The following MYH8 variants were observed in gnomAD, a reference collection of about 807,000 sequenced individuals.
The protein encoded by MYH8 is myosin heavy chain 8.
A neutral mutation model predicts 233.2 loss-of-function variants in MYH8; 168 were observed. The observed-to-expected ratio is 0.72, with a 90% CI of 0.64 to 0.82. The LOEUF (loss-of-function observed/expected upper bound fraction) is 0.82. MYH8 is among the 40% of genes least tolerant of loss of function. The probability of loss-of-function intolerance (pLI) is 0.00; values close to 1 mark genes in which losing one functional copy is unlikely to be tolerated. For missense variants in MYH8, 1,995 were observed against 2,327.8 expected (o/e 0.86, Z 2.94); for synonymous variants, 785 against 850.6 (o/e 0.92, Z 1.34).
rs769857967 is a variant in MYH8, at chr17:10,410,800, C to T, written c.1564G>A (p.Ala522Thr). 1.2e-6 allele frequency: 2 copies of T among 1,613,962 alleles called. No individual in the cohort carries two copies. Among genetic ancestry groups the T allele is most frequent in the African/African-American group, 2.7e-5 (2 of 75,028 alleles). ...TFIDFGMDLA[A>T]CIELIEKPLG... ...ACCTTCTCAATGAGCTCAATGCAGGCAGCCAGGTCCATCCCAAAGTCAATG... is the reference window on the plus strand; with the variant it reads ...ACCTTCTCAATGAGCTCAATGCAGGTAGCCAGGTCCATCCCAAAGTCAATG... The change falls in exon 15 of 40, where the codon GCC becomes ACC. Residue 522 changes from alanine (A) to threonine (T), a missense_variant. Ala to Thr is a moderately conservative substitution (Grantham distance 58). Transcript: ENST00000403437.
chr17:10,415,446 GT>G lies in MYH8; in HGVS notation c.648+25del, dbSNP rs1230853237. Reference sequence around the variant, plus strand: ...CAGATGTCTGAGAGCCTTGACAGAGGTTTTGACTCTGGCTATCAGACCTACC... The same window carrying G: ...CAGATGTCTGAGAGCCTTGACAGAGGTTTGACTCTGGCTATCAGACCTACC... On this transcript the variant is annotated intron_variant, in intron 7 of 39. Transcript: ENST00000403437. The surrounding 1 kb of genome is among the most constrained non-coding windows in gnomAD (Gnocchi z 4.1). 9.3e-6 allele frequency: 15 copies of G among 1,613,202 alleles called. No individual in the cohort carries two copies. Among genetic ancestry groups the G allele is most frequent in the Non-Finnish European group, 1.2e-5 (14 of 1,179,284 alleles).
chr17:10,392,446 A>G (rs571423688), intron 38 of MYH8, 96 bp downstream of exon 38: 2 of 1,120,460 alleles, frequency 1.8e-6, no homozygotes, highest in East Asian at 4.7e-5. Context: ...GTTAATGCGT[A>G]TTTGTTTGTG....
chr17:10,393,987 A>G (rs1436367144), intron 35 of MYH8, among the ~76,000 whole-genome samples: 1 of 134,410 alleles, frequency 7.4e-6, no homozygotes, highest in Non-Finnish European at 1.6e-5. Flanking sequence ...TAAAAAAGTA[A>G]TAGCTTTTTT....
At chr17:10,413,745 A>G (rs2072264816) in intron 12 of MYH8, among the ~76,000 whole-genome samples, 157 bp downstream of exon 12, 1 of 152,180 alleles carries the variant, frequency 6.6e-6, no homozygotes, top group Admixed American at 6.6e-5. Context: ...TGGAGATGTA[A>G]GGAAGAGAGG....
At chr17:10,405,318 T>C (rs1219986175) in intron 21 of MYH8, among the ~76,000 whole-genome samples, 1 of 152,246 alleles carries the variant, frequency 6.6e-6, no homozygotes, top group Non-Finnish European at 1.5e-5. Context: ...CTGCAAACTA[T>C]AGCCATAGAC....
Position 10,413,999 on chromosome 17 carries a change from C to T in MYH8, c.1050G>A (p.Val350=), listed in dbSNP as rs767636000. 4 of 1,614,106 alleles carry T rather than the reference C, an allele frequency of 2.5e-6. No individual in the cohort carries two copies. Among genetic ancestry groups the T allele is most frequent in the Non-Finnish European group, 3.4e-6 (4 of 1,180,008 alleles). The change falls in exon 12 of 40, where the codon GTG becomes GTA. Residue 350 remains valine, a synonymous_variant. Coordinates refer to ENST00000403437, the MANE Select transcript of MYH8 (RefSeq NM_002472.3). The part of the protein sequence containing the change: ...DILGFTPEEK[V]SIYKLTGAVM... ...CAGCCCCTGTGAGTTTATAGATGGA[C>T]ACTTTCTCTTCAGGAGTGAAGCCCA...
chr17:10,409,654 G>C (rs539885367), intron 15 of MYH8, 66 bp from the exon 16 acceptor site: 52 of 1,592,442 alleles, frequency 3.3e-5, no homozygotes, highest in Non-Finnish European at 4.4e-5. Context: ...CATGGTGGCT[G>C]TCATTTGATT....
chr17:10,400,720 C>G lies in MYH8; in HGVS notation c.3405G>C (p.Ala1135=), dbSNP rs78443907. The G allele has an allele frequency of 6.2e-7, 1 of 1,614,174 alleles. No individual in the cohort carries two copies. ...IEAERASRAK[A]EKQRSDLSRE... ...GGGAGAGGTCAGAGCGCTGCTTCTC[C>G]GCTTTGGCTCGGGACGCCCTCTCTG... The change falls in exon 27 of 40, where the codon GCG becomes GCC. Residue 1135 remains alanine, a synonymous_variant. Transcript: ENST00000403437. This position sits in a 1 kb window ranked among gnomAD's most constrained non-coding sequence, Gnocchi z 4.0.
At position 10,392,618 on chromosome 17, in the gene MYH8, T is replaced by C. The variant is rs1452443024; in HGVS notation, c.5492A>G (p.Asn1831Ser). The change falls in exon 38 of 40, where the codon AAT (asparagine) becomes AGT (serine). Residue 1831 changes from asparagine (N) to serine (S), a missense_variant. Coordinates refer to ENST00000403437, the MANE Select transcript of MYH8 (RefSeq NM_002472.3). ...RVRELEGEVE[N>S]EQKRNAEAVK... ...AGCCTCTGCATTACGTTTCTGTTCATTTTCAACCTCTCCTTCAAGCTCACG... is the reference window on the plus strand; with the variant it reads ...AGCCTCTGCATTACGTTTCTGTTCACTTTCAACCTCTCCTTCAAGCTCACG... 1.2e-6 allele frequency: 2 copies of C among 1,614,192 alleles called. No homozygotes were observed. The highest frequency in any genetic ancestry group is 2.2e-5 in the East Asian group (1 of 44,882).
At chr17:10,410,023 G>A (rs914592235) in intron 15 of MYH8, among the ~76,000 whole-genome samples, 10 of 152,074 alleles carry the variant, frequency 6.6e-5, no homozygotes, top group Admixed American at 6.5e-4. Flanking sequence ...TAGATTATAG[G>A]CTGAGCACAG....
Position 10,404,353 on chromosome 17 carries a change from C to T in MYH8, c.2665G>A (p.Asp889Asn). The change falls in exon 22 of 40, where the codon GAC (aspartate) becomes AAC (asparagine). Residue 889 changes from aspartate (D) to asparagine (N), a missense_variant. Asp to Asn is a conservative substitution (Grantham distance 23). This residue lies in a region of MYH8 where 1,498 missense variants were observed against 1,680.9 expected (regional missense o/e 0.89). Transcript: ENST00000403437. ...ACAGATTGAACCTGGAGTTGCAGGT[C>T]ATTTTTCTCTTTTAAGAGAGTGACC... ...KMVTLLKEKN[D>N]LQLQVQSEAD... The T allele has an allele frequency of 6.2e-7, 1 of 1,613,892 alleles. No homozygotes were observed. The highest frequency in any genetic ancestry group is 8.5e-7 in the Non-Finnish European group (1 of 1,179,866).
At position 10,400,388 on chromosome 17, in the gene MYH8, ACC is replaced by A. The variant is rs1370917091; in HGVS notation, c.3735_3735+1del. 2 of 1,612,190 alleles carry A rather than the reference ACC, an allele frequency of 1.2e-6. No individual in the cohort carries two copies. Among genetic ancestry groups the A allele is most frequent in the Non-Finnish European group, 1.7e-6 (2 of 1,179,886 alleles). ...CCTTCATTTAGAGACAGTATTGGGT[ACC>A]TTGGCTTTGGAAATGGCCTCTGCGT... On this transcript the variant is annotated splice_donor_variant and coding_sequence_variant, in exon 27 of 40. Coordinates refer to ENST00000403437, the MANE Select transcript of MYH8 (RefSeq NM_002472.3). LOFTEE classifies it high-confidence loss of function. This position sits in a 1 kb window ranked among gnomAD's most constrained non-coding sequence, Gnocchi z 4.0.
chr17:10,392,445 T>A, intron 38 of MYH8, 97 bp downstream of exon 38: 1 of 1,097,376 alleles, frequency 9.1e-7, no homozygotes. Flanking sequence ...AGTTAATGCG[T>A]ATTTGTTTGT....
rs1201254762 is a variant in MYH8 at position 10,419,819 on chromosome 17, G to A, written c.210+199C>T. On this transcript the variant is annotated intron_variant, in intron 3 of 39. Transcript: ENST00000403437. The surrounding 1 kb of genome is among the most constrained non-coding windows in gnomAD (Gnocchi z 4.0). ...AATGGTGAAGGCCATACATAGTGGGGTGAGGTCCTGTGCGAAGTTGGGAAG... is the reference window on the plus strand; with the variant it reads ...AATGGTGAAGGCCATACATAGTGGGATGAGGTCCTGTGCGAAGTTGGGAAG... 6.6e-6 allele frequency among the ~76,000 whole-genome samples: 1 copy of A among 152,188 alleles called. No individual in the cohort carries two copies. Among genetic ancestry groups the A allele is most frequent in the Non-Finnish European group, 1.5e-5 (1 of 68,036 alleles).
chr17:10,412,228 C>T lies in MYH8; in HGVS notation c.1416+142G>A, dbSNP rs2072249497. ...TTATTAGTAGTACATTATGTTACCT[C>T]CTATTTTGGAGATAACCTTTGTTCT... On this transcript the variant is annotated intron_variant, in intron 14 of 39. Transcript: ENST00000403437. 4 of 1,515,926 alleles carry T rather than the reference C, an allele frequency of 2.6e-6. No homozygotes were observed. In the Admixed American group the frequency reaches 7.2e-5, roughly 27 times the overall value. The allele number at this position is 1,515,926 out of a possible 1,614,324, so 93.9% of individuals were successfully genotyped here. A position where few individuals can be genotyped will look rare whatever the true frequency, so the allele number is the denominator to read the frequency against.
intron 28 of MYH8, among the ~76,000 whole-genome samples, chr17:10,399,106 C>T (rs939005859): frequency 6.6e-6 from 1 of 151,586 alleles, no homozygotes; most frequent in Non-Finnish European, 1.5e-5. Context: ...ATTTGCATTA[C>T]ACTTGCCAGT....
intron 2 of MYH8, 82 bp downstream of exon 2, chr17:10,421,581 T>A (rs1050258357): frequency 2.0e-5 from 3 of 152,204 alleles, no homozygotes; most frequent in Admixed American, 2.0e-4. Context: ...AACATGGAAA[T>A]GGTGTATAAT....
At chr17:10,401,840 TG>T in intron 22 of MYH8, 55 bp from the exon 23 acceptor site, 6 of 1,611,120 alleles carry the variant, frequency 3.7e-6, no homozygotes, top group Non-Finnish European at 4.2e-6. Flanking sequence ...TGAAACTTGG[TG>T]TTTTTTTTGC....
At position 10,404,264 on chromosome 17, in the gene MYH8, C is replaced by G. The variant is rs570240941; in HGVS notation, c.2688+66G>C. On this transcript the variant is annotated intron_variant, in intron 22 of 39. Coordinates refer to ENST00000403437, the MANE Select transcript of MYH8 (RefSeq NM_002472.3). Reference sequence around the variant, plus strand: ...TTTCAAGTAGAGATCATTTGTAAATCCAAAGTATATGTGTGTTTCAAAAAA... The same window carrying G: ...TTTCAAGTAGAGATCATTTGTAAATGCAAAGTATATGTGTGTTTCAAAAAA... The G allele has an allele frequency of 1.3e-5, 21 of 1,598,098 alleles. No individual in the cohort carries two copies. In the African/African-American group the frequency reaches 1.9e-4, roughly 14 times the overall value.
Sources: gnomAD v4.1 joint callset for allele counts (sites outside exome capture counted in the v4.1 genomes callset) on GRCh38, gnomAD v4.1.1 for gene constraint, gnomAD v4.1.1 regional missense constraint, Gnocchi (gnomAD v3.1) non-coding constraint, MANE v1.5 for transcripts, NCBI Gene and HGNC (gene_info 2026-07-23, HGNC 2026-07-21) for gene names.